The following PRKCB variants were observed in gnomAD, a reference collection of about 807,000 sequenced individuals.
PRKCB encodes the protein protein kinase C beta type.
PRKCB carries 13 observed loss-of-function variants against 81.5 expected under a neutral mutation model. The ratio of observed to expected loss-of-function variants is 0.16; its 90% CI spans 0.10 to 0.25. PRKCB has a LOEUF of 0.25. PRKCB is among the 10% of genes least tolerant of loss of function. The pLI, the probability that PRKCB is intolerant of heterozygous loss-of-function variation, is 1.00. For synonymous variants in PRKCB, 335 were observed against 321.4 expected (o/e 1.04, Z -0.45); for missense variants, 509 against 875.7 (o/e 0.58, Z 5.29).
At chr16:24,022,858 A>C (rs951792725) in intron 3 of PRKCB, among the ~76,000 whole-genome samples, 1 of 152,192 alleles carries the variant, frequency 6.6e-6, no homozygotes, top group Non-Finnish European at 1.5e-5. Context: ...GATTTCTAAG[A>C]AGCACCTTGT....
intron 2 of PRKCB, among the ~76,000 whole-genome samples, chr16:23,900,470 A>G (rs1032079214): frequency 4.6e-5 from 7 of 152,234 alleles, no homozygotes; most frequent in Non-Finnish European, 7.3e-5. Flanking sequence ...CAAGGTATAC[A>G]GTGAATAAAG....
Position 24,215,315 on chromosome 16 carries a change from A to G in PRKCB, c.*499A>G. ...AGACCTTGAAAAGAACATGCTCAAA[A>G]TAAAATGTTATCTGTTATTTTTGTA... On this transcript the variant is annotated 3_prime_UTR_variant, in exon 17 of 17. Transcript: ENST00000643927. 3 of 986,324 alleles carry G rather than the reference A, an allele frequency of 3.0e-6. No individual in the cohort carries two copies. Among genetic ancestry groups the G allele is most frequent in the Non-Finnish European group, 3.6e-6 (3 of 830,210 alleles). 61.1% of individuals were successfully genotyped at this position (986,324 alleles called of 1,614,324 possible).
At chr16:24,153,356 A>T (rs146440047) in intron 9 of PRKCB, among the ~76,000 whole-genome samples, 3 of 152,324 alleles carry the variant, frequency 2.0e-5, no homozygotes, top group Non-Finnish European at 4.4e-5. Flanking sequence ...AATACAAATG[A>T]GTAACAATAA....
chr16:23,890,153 C>T (rs1177938839), intron 2 of PRKCB, among the ~76,000 whole-genome samples: 2 of 152,154 alleles, frequency 1.3e-5, no homozygotes, highest in Middle Eastern at 3.2e-3. Flanking sequence ...TCCACAGCTC[C>T]TTGAAAATCC....
At chr16:24,011,665 C>T (rs1348062295) in intron 3 of PRKCB, among the ~76,000 whole-genome samples, 1 of 152,082 alleles carries the variant, frequency 6.6e-6, no homozygotes, top group African/African-American at 2.4e-5. Context: ...CACAGGCATA[C>T]ACCACCACAC....
At chr16:24,089,745 A>G (rs1420345468) in intron 5 of PRKCB, among the ~76,000 whole-genome samples, 1 of 152,056 alleles carries the variant, frequency 6.6e-6, no homozygotes, top group Non-Finnish European at 1.5e-5. Flanking sequence ...ACTGCACTCC[A>G]GCCTGGGTGA....
chr16:23,936,352 G>A (rs195991), intron 2 of PRKCB, among the ~76,000 whole-genome samples: 77,946 of 151,856 alleles, frequency 0.51, 20,972 homozygotes, highest in East Asian at 0.62. Flanking sequence ...TCCACCCCAC[G>A]TCTAGAAGAT....
chr16:24,123,005 G>A (rs1163546521), intron 8 of PRKCB, among the ~76,000 whole-genome samples: 1 of 152,330 alleles, frequency 6.6e-6, no homozygotes, highest in East Asian at 1.9e-4. Context: ...TATACTAGTT[G>A]TCAGGAAAAC....
At chr16:24,139,025 T>C (rs1006234096) in intron 9 of PRKCB, among the ~76,000 whole-genome samples, 5 of 151,994 alleles carry the variant, frequency 3.3e-5, no homozygotes, top group African/African-American at 1.2e-4. Flanking sequence ...CTAAATTTTA[T>C]ATTTTTAGTA....
chr16:23,959,706 G>C (rs949508085), intron 2 of PRKCB, among the ~76,000 whole-genome samples: 1 of 98,528 alleles, frequency 1.0e-5, no homozygotes, highest in Non-Finnish European at 2.0e-5. Context: ...CTTCCTCACT[G>C]GTTCTGCTTT....
intron 16 of PRKCB, chr16:24,208,430 A>G (rs1053078780): frequency 3.3e-5 from 5 of 152,230 alleles, no homozygotes; most frequent in Admixed American, 2.6e-4. Flanking sequence ...GGTCACAGAT[A>G]AGCTTTTCAA....
chr16:24,161,628 A>G (rs1126289), intron 10 of PRKCB, among the ~76,000 whole-genome samples: 27,627 of 152,204 alleles, frequency 0.18, 2,699 homozygotes, highest in South Asian at 0.31. Context: ...AAATTGTCCT[A>G]GAAGCACAAA....
chr16:24,065,620 T>C (rs1966023709), intron 5 of PRKCB, among the ~76,000 whole-genome samples: 2 of 152,228 alleles, frequency 1.3e-5, no homozygotes, highest in African/African-American at 4.8e-5. Context: ...CATTCTTTCT[T>C]ACATTTTCAC....
chr16:24,098,537 G>C (rs1966468864), intron 7 of PRKCB: 1 of 152,194 alleles, frequency 6.6e-6, no homozygotes, highest in African/African-American at 2.4e-5. Flanking sequence ...ATCACCTGAG[G>C]TCAGGAGTTT....
chr16:23,996,302 C>T (rs1964955767), intron 3 of PRKCB, among the ~76,000 whole-genome samples: 2 of 152,122 alleles, frequency 1.3e-5, no homozygotes, highest in South Asian at 4.1e-4. Flanking sequence ...CCCCAGACAC[C>T]CTGTCATCAC....
At chr16:23,965,363 A>G (rs894413536) in intron 2 of PRKCB, among the ~76,000 whole-genome samples, 6 of 152,170 alleles carry the variant, frequency 3.9e-5, no homozygotes, top group South Asian at 4.1e-4. Context: ...CATGGTGTTT[A>G]TATACCACAT....
intron 12 of PRKCB, among the ~76,000 whole-genome samples, chr16:24,179,560 G>C (rs1967586779): frequency 6.6e-6 from 1 of 152,214 alleles, no homozygotes; most frequent in African/African-American, 2.4e-5. Flanking sequence ...TAGGGAGGAG[G>C]AAAGTGTGTT....
chr16:24,018,441 A>G (rs1370373972), intron 3 of PRKCB, among the ~76,000 whole-genome samples: 1 of 152,190 alleles, frequency 6.6e-6, no homozygotes, highest in Non-Finnish European at 1.5e-5. Flanking sequence ...GGAATTAAGC[A>G]TTATTATTAT....
At chr16:23,898,879 C>G (rs964866581) in intron 2 of PRKCB, among the ~76,000 whole-genome samples, 1 of 152,212 alleles carries the variant, frequency 6.6e-6, no homozygotes, top group African/African-American at 2.4e-5. Context: ...GTCTATGCAT[C>G]TATAAAATGG....
Sources: allele counts gnomAD v4.1 joint callset (sites outside exome capture counted in the v4.1 genomes callset), GRCh38; gene constraint gnomAD v4.1.1; transcripts MANE v1.5; gene names NCBI Gene and HGNC (gene_info 2026-07-23, HGNC 2026-07-21).